SYN3: variants seen among roughly 807,000 people sequenced by gnomAD.
The protein encoded by SYN3 is synapsin-3.
SYN3 carries 35 observed loss-of-function variants against 65.8 expected under a neutral mutation model. The observed-to-expected ratio is 0.53, with a 90% confidence interval of 0.41 to 0.70. SYN3 has a LOEUF of 0.70. Among genes scored for constraint, SYN3 ranks in the 30% least tolerant of loss-of-function variants. The probability of loss-of-function intolerance (pLI) is 0.00; values close to 1 mark genes in which losing one functional copy is unlikely to be tolerated. For missense variants in SYN3, 680 were observed against 749.0 expected (o/e 0.91, Z 1.08); for synonymous variants, 270 against 292.9 (o/e 0.92, Z 0.80).
At chr22:32,773,452 T>A (rs2045827918) in intron 6 of SYN3, among the ~76,000 whole-genome samples, 1 of 147,600 alleles carries the variant, frequency 6.8e-6, no homozygotes. Context: ...ACAGTGACAG[T>A]AGTGATTCAG....
chr22:32,648,877 C>T (rs1299917915), intron 6 of SYN3, among the ~76,000 whole-genome samples: 1 of 152,194 alleles, frequency 6.6e-6, no homozygotes, highest in Non-Finnish European at 1.5e-5. Flanking sequence ...ATTGGCCACT[C>T]ATACCAATGA....
At chr22:32,885,518 C>T (rs2049263207) in intron 4 of SYN3, among the ~76,000 whole-genome samples, 1 of 151,998 alleles carries the variant, frequency 6.6e-6, no homozygotes, top group African/African-American at 2.4e-5. Flanking sequence ...ATCCTCCCGG[C>T]AGGTACATCT....
At chr22:32,912,540 A>AC (rs1039606796) in intron 4 of SYN3, among the ~76,000 whole-genome samples, 15 of 151,510 alleles carry the variant, frequency 9.9e-5, no homozygotes, top group South Asian at 2.1e-4. Context: ...ACATAGTGAG[A>AC]CCCCCCCATC....
At chr22:32,538,695 C>G (rs1050787890) in intron 8 of SYN3, among the ~76,000 whole-genome samples, 1 of 146,084 alleles carries the variant, frequency 6.8e-6, no homozygotes, top group Non-Finnish European at 1.5e-5. Flanking sequence ...CAGTCTTTGT[C>G]TCCATCTTTG....
chr22:32,980,758 C>T (rs1237612760), intron 2 of SYN3, 56 bp from the exon 3 acceptor site: 2 of 1,549,668 alleles, frequency 1.3e-6, no homozygotes, highest in Non-Finnish European at 1.8e-6. Flanking sequence ...ACTCTTTTCT[C>T]CCTTCTCCCA....
rs148744683 is a variant in SYN3, at chr22:32,750,108, G to A, written c.711+114807C>T. ...GTGCTAGAGACACGGTGGTGAATAA[G>A]ATCGATGTGGTTGGAGACAGGCAAC... On this transcript the variant is annotated intron_variant, in intron 6 of 13. Transcript: ENST00000358763. Among the ~76,000 whole-genome samples the A allele has an allele frequency of 4.9e-4, 74 of 152,314 alleles. No homozygotes were observed. In the East Asian group the frequency reaches 0.011, roughly 23 times the overall value.
Position 32,782,959 on chromosome 22 carries a change from T to C in SYN3, c.711+81956A>G, listed in dbSNP as rs577419360. Reference sequence around the variant, plus strand: ...AGAAGCAACTCTCTATTGAGAGGAGTTAGTTAAGCACTTCTCATTGAAGCT... The same window carrying C: ...AGAAGCAACTCTCTATTGAGAGGAGCTAGTTAAGCACTTCTCATTGAAGCT... On this transcript the variant is annotated intron_variant, in intron 6 of 13. Coordinates refer to ENST00000358763, the MANE Select transcript of SYN3 (RefSeq NM_003490.4). Among the ~76,000 whole-genome samples, 5 of 152,244 alleles carry C rather than the reference T, an allele frequency of 3.3e-5. 1 individual carries two copies. The South Asian group carries it at 1.0e-3, about 32-fold the overall frequency.
chr22:32,693,592 G>GTCTTTTTTTT (rs2060695570), intron 6 of SYN3, among the ~76,000 whole-genome samples: 1 of 90,532 alleles, frequency 1.1e-5, no homozygotes, highest in African/African-American at 5.2e-5. Context: ...TCTGTAGCTT[G>GTCTTTTTTTT]TTTTTTTTTT....
At chr22:32,950,507 C>A (rs1601767103) in intron 3 of SYN3, among the ~76,000 whole-genome samples, 1 of 152,144 alleles carries the variant, frequency 6.6e-6, no homozygotes. Flanking sequence ...TCATCTTTCT[C>A]TCTGCAACTC....
rs1491307546 is a variant in SYN3 at position 32,954,953 on chromosome 22, TTC to T, written c.370-23474_370-23473del. On this transcript the variant is annotated intron_variant, in intron 3 of 13. Coordinates refer to ENST00000358763, the MANE Select transcript of SYN3 (RefSeq NM_003490.4). ...TGCTTTTTCCTTTTCTTTTTTTTTTTTCTTTTCATTTTAAAGGTCCAAAATCT... is the reference window on the plus strand; with the variant it reads ...TGCTTTTTCCTTTTCTTTTTTTTTTTTTTTCATTTTAAAGGTCCAAAATCT... Among the ~76,000 whole-genome samples, 195 of 142,652 alleles carry T rather than the reference TTC, an allele frequency of 1.4e-3. 2 individuals are homozygous for T. Among genetic ancestry groups the T allele is most frequent in the Middle Eastern group, 0.011 (3 of 272 alleles). 93.6% of individuals were successfully genotyped at this position (142,652 alleles called of 152,430 possible).
chr22:32,523,585 C>A (rs1258626869), intron 12 of SYN3, among the ~76,000 whole-genome samples: 1 of 152,160 alleles, frequency 6.6e-6, no homozygotes, highest in Admixed American at 6.5e-5. Context: ...CTGGCTGCCC[C>A]ATTTACCAGC....
At chr22:32,942,995 G>A (rs2050987146) in intron 3 of SYN3, among the ~76,000 whole-genome samples, 1 of 152,196 alleles carries the variant, frequency 6.6e-6, no homozygotes, top group African/African-American at 2.4e-5. Flanking sequence ...GTGACTGAGA[G>A]AATGGAACCA....
intron 6 of SYN3, among the ~76,000 whole-genome samples, chr22:32,858,562 A>G (rs1013870317): frequency 2.0e-5 from 3 of 152,190 alleles, no homozygotes; most frequent in East Asian, 1.9e-4. Context: ...TGCAGAGACC[A>G]GATGCTACAG....
At chr22:32,848,100 C>G (rs761466044) in intron 6 of SYN3, among the ~76,000 whole-genome samples, 8 of 152,220 alleles carry the variant, frequency 5.3e-5, no homozygotes, top group Admixed American at 1.3e-4. Context: ...TACCTGAAGA[C>G]AGCTCTTGGG....
intron 1 of SYN3, among the ~76,000 whole-genome samples, chr22:33,050,984 A>G (rs185009187): frequency 3.5e-3 from 532 of 152,326 alleles, no homozygotes; most frequent in African/African-American, 0.012. Context: ...CACTGAGCCC[A>G]CTTCATCAAC....
intron 4 of SYN3, among the ~76,000 whole-genome samples, chr22:32,926,019 T>G (rs535919727): frequency 2.6e-5 from 4 of 152,062 alleles, no homozygotes; most frequent in African/African-American, 9.7e-5. Context: ...ACCTGGATAA[T>G]TTTTGCATTT....
intron 3 of SYN3, among the ~76,000 whole-genome samples, chr22:32,977,317 C>T (rs2052228186): frequency 6.6e-6 from 1 of 152,096 alleles, no homozygotes; most frequent in South Asian, 2.1e-4. Context: ...ACAAGTTGGG[C>T]CAATGGCATT....
At chr22:33,051,490 C>A (rs1381829865) in intron 1 of SYN3, among the ~76,000 whole-genome samples, 1 of 152,044 alleles carries the variant, frequency 6.6e-6, no homozygotes, top group Non-Finnish European at 1.5e-5. Context: ...GGCACACATG[C>A]CTACATTGGG....
Position 32,891,518 on chromosome 22 carries a change from T to C in SYN3, c.462-22393A>G, listed in dbSNP as rs562253942. Among the ~76,000 whole-genome samples the C allele has an allele frequency of 2.8e-3, 427 of 152,296 alleles. 2 individuals carry two copies. Among genetic ancestry groups the C allele is most frequent in the Non-Finnish European group, 5.2e-3 (351 of 68,018 alleles). On this transcript the variant is annotated intron_variant, in intron 4 of 13. Transcript: ENST00000358763. ...GCGCTCAGCATTCTCTGAGGATTTA[T>C]AGAATTCTTCACATCCAGATTTCTT...
Sources: gnomAD v4.1 joint callset for allele counts (sites outside exome capture counted in the v4.1 genomes callset) on GRCh38, gnomAD v4.1.1 for gene constraint, MANE v1.5 for transcripts, NCBI Gene and HGNC (gene_info 2026-07-23, HGNC 2026-07-21) for gene names.